Variants in UGT2A1 observed in about 807,000 individuals in gnomAD.
UGT2A1 encodes UDP-glucuronosyltransferase 2A1.
A neutral mutation model predicts 45.4 loss-of-function variants in UGT2A1; 61 were observed. The ratio of observed to expected loss-of-function variants is 1.34; its 90% CI spans 1.09 to 1.66. UGT2A1 has a LOEUF of 1.66. Ranked by LOEUF, UGT2A1 falls within the 40% of genes most tolerant of loss-of-function variation. The probability of loss-of-function intolerance (pLI) is 0.00; values close to 1 mark genes in which losing one functional copy is unlikely to be tolerated. For synonymous variants in UGT2A1, 229 were observed against 196.2 expected (o/e 1.17, Z -1.40); for missense variants, 649 against 574.3 (o/e 1.13, Z -1.33).
In UGT2A1 at chr4:69,604,977, C is replaced by T. The variant is rs148779677; in HGVS notation, c.848-5583G>A. On this transcript the variant is annotated intron_variant, in intron 3 of 6. Transcript: ENST00000286604. Reference sequence around the variant, plus strand: ...ACTCCCACACAATAATAATGAGAGACTTTGACACCCCACTGTCAACGTTAG... The same window carrying T: ...ACTCCCACACAATAATAATGAGAGATTTTGACACCCCACTGTCAACGTTAG... Among the ~76,000 whole-genome samples the T allele has an allele frequency of 8.1e-5, 11 of 135,852 alleles. 2 individuals are homozygous for T. The highest frequency in any genetic ancestry group is 1.4e-4 in the Non-Finnish European group (9 of 63,982). 89.1% of individuals were successfully genotyped at this position (135,852 alleles called of 152,430 possible).
chr4:69,596,126 C>G, intron 4 of UGT2A1: 2 of 1,287,312 alleles, frequency 1.6e-6, no homozygotes, highest in Non-Finnish European at 1.0e-6. Context: ...ACGTTACTTA[C>G]AACTGTTACT....
intron 3 of UGT2A1, among the ~76,000 whole-genome samples, chr4:69,605,544 C>T (rs1378738876): frequency 7.4e-6 from 1 of 135,920 alleles, no homozygotes; most frequent in Non-Finnish European, 1.6e-5. Flanking sequence ...CATTCAAGAC[C>T]TAGCAGAAGG....
intron 5 of UGT2A1, among the ~76,000 whole-genome samples, chr4:69,594,921 T>A (rs1718827848): frequency 6.6e-6 from 1 of 152,192 alleles, no homozygotes; most frequent in Non-Finnish European, 1.5e-5. Context: ...GAGGAGATGA[T>A]ATCTGAACTG....
chr4:69,623,231 G>A (rs1720853723), intron 3 of UGT2A1, among the ~76,000 whole-genome samples: 1 of 151,714 alleles, frequency 6.6e-6, no homozygotes, highest in South Asian at 2.1e-4. Context: ...TGTACTGCAT[G>A]CCAAGTGATA....
chr4:69,650,200 A>T (rs889793403), intron 1 of UGT2A1, among the ~76,000 whole-genome samples: 1 of 152,084 alleles, frequency 6.6e-6, no homozygotes, highest in African/African-American at 2.4e-5. Context: ...AATACCTCAG[A>T]TAGGGAGACT....
At chr4:69,596,531 A>C (rs1718942990) in intron 4 of UGT2A1, 1 of 1,233,238 alleles carries the variant, frequency 8.1e-7, no homozygotes, top group Non-Finnish European at 1.0e-6. Flanking sequence ...TCTAGTTTCT[A>C]TATTTTTTTT....
rs189787 is a variant in UGT2A1, at chr4:69,627,970, C to T, written c.847+7721G>A. The stretch of plus-strand genomic sequence containing the variant: ...TATTCACTTCCATTCCACAGATTGC[C>T]TTTTAAGTTTGTTGATTGTCTCTTT... On this transcript the variant is annotated intron_variant, in intron 3 of 6. Coordinates refer to ENST00000286604, the MANE Select transcript of UGT2A1 (RefSeq NM_001252275.3). Among the ~76,000 whole-genome samples, 112 of 151,880 alleles carry T rather than the reference C, an allele frequency of 7.4e-4. 1 individual carries two copies. The highest frequency in any genetic ancestry group is 2.4e-3 in the African/African-American group (101 of 41,482).
chr4:69,640,308 T>C lies in UGT2A1; in HGVS notation c.716-4486A>G, dbSNP rs201829314. 8.6e-4 allele frequency among the ~76,000 whole-genome samples: 130 copies of C among 151,966 alleles called. 2 individuals carry two copies. In the East Asian group the frequency reaches 0.02, roughly 24 times the overall value. On this transcript the variant is annotated intron_variant, in intron 2 of 6. Transcript: ENST00000286604. ...TCAAAGAAAAATGAGAGGTGAGACA[T>C]TAATTTGTTATATTACTTTGTGGAT...
At chr4:69,619,597 T>G (rs1720620436) in intron 3 of UGT2A1, among the ~76,000 whole-genome samples, 1 of 151,958 alleles carries the variant, frequency 6.6e-6, no homozygotes, top group South Asian at 2.1e-4. Flanking sequence ...TCAGGTGAAT[T>G]ATTCCATTTG....
Position 69,594,674 on chromosome 4 carries a change from A to G in UGT2A1, c.1107T>C (p.Phe369=), listed in dbSNP as rs140751856. Residue 369 remains phenylalanine (F), a synonymous_variant, in exon 6 of 7, where the codon TTT becomes TTC. Coordinates refer to ENST00000286604, the MANE Select transcript of UGT2A1 (RefSeq NM_001252275.3). Reference sequence around the variant, plus strand: ...TCCCATTAGTTCCACCATGAGTGATAAAAGCTTTGGTTTTGGGATGTCCTA... The same window carrying G: ...TCCCATTAGTTCCACCATGAGTGATGAAAGCTTTGGTTTTGGGATGTCCTA... ...DLLGHPKTKA[F]ITHGGTNGIY... 5.8e-5 allele frequency: 94 copies of G among 1,613,926 alleles called. No homozygotes were observed. The African/African-American group carries it at 1.2e-3, about 21-fold the overall frequency.
At chr4:69,615,334 AAGCACAGCCATCC>A (rs564793111) in intron 3 of UGT2A1, among the ~76,000 whole-genome samples, 169 of 152,182 alleles carry the variant, frequency 1.1e-3, no homozygotes, top group African/African-American at 4.0e-3. Context: ...AAGACCTCAG[AAGCACAGCCATCC>A]AAAGCAAAAA....
chr4:69,623,865 G>A (rs1720893032), intron 3 of UGT2A1, among the ~76,000 whole-genome samples: 1 of 151,448 alleles, frequency 6.6e-6, no homozygotes, highest in Non-Finnish European at 1.5e-5. Flanking sequence ...TTGAGCAAAA[G>A]CATTTCAGAA....
Position 69,589,437 on chromosome 4 carries a change from T to G in UGT2A1, c.1519A>C (p.Ile507Leu). The change falls in exon 7 of 7, where the codon ATA becomes CTA. Residue 507 changes from isoleucine to leucine, a missense_variant. Ile to Leu is a conservative substitution (Grantham distance 5). Transcript: ENST00000286604. ...TGACAGGAAAACAAACAACATTGTA[T>G]GACCAAAAATATAGCCGTTGTCACA... ...VCVTTAIFLVIQCCLFSCQKF... is the reference protein window; with the variant it reads ...VCVTTAIFLVLQCCLFSCQKF... The G allele has an allele frequency of 6.2e-7, 1 of 1,614,154 alleles. No individual in the cohort carries two copies. Among genetic ancestry groups the G allele is most frequent in the East Asian group, 2.2e-5 (1 of 44,884 alleles).
intron 3 of UGT2A1, among the ~76,000 whole-genome samples, chr4:69,604,094 C>A (rs1719460695): frequency 7.4e-6 from 1 of 135,664 alleles, no homozygotes. Flanking sequence ...TCGAGAAGAG[C>A]AACTCCAAGA....
chr4:69,637,821 T>G (rs186774672), intron 2 of UGT2A1, among the ~76,000 whole-genome samples: 1 of 152,064 alleles, frequency 6.6e-6, no homozygotes, highest in East Asian at 1.9e-4. Context: ...AGGAACTAGG[T>G]TGGCATTCAA....
chr4:69,646,809 G>A (rs1722279926), intron 2 of UGT2A1, 121 bp downstream of exon 2: 3 of 659,290 alleles, frequency 4.6e-6, no homozygotes, highest in African/African-American at 1.8e-5. Context: ...TCAAGTGATA[G>A]TAATATATAG....
chr4:69,591,592 A>G (rs535224041), intron 6 of UGT2A1, among the ~76,000 whole-genome samples: 52 of 152,252 alleles, frequency 3.4e-4, no homozygotes, highest in African/African-American at 1.3e-3. Context: ...GAGGTATACT[A>G]AGGCATATTT....
chr4:69,594,154 T>G (rs1227213838), intron 6 of UGT2A1, among the ~76,000 whole-genome samples: 1 of 151,880 alleles, frequency 6.6e-6, no homozygotes, highest in Non-Finnish European at 1.5e-5. Context: ...TTTTGTATTT[T>G]TAGTAGAGAC....
In UGT2A1 at chr4:69,635,733, G is replaced by GGAGAATCGCTTGAACCC. The variant is rs1721643127; in HGVS notation, c.804_805insGGGTTCAAGCGATTCTC (p.Arg269GlyfsTer37). 1 of 248,254 alleles carries GGAGAATCGCTTGAACCC rather than the reference G, an allele frequency of 4.0e-6. No individual in the cohort carries two copies. The highest frequency in any genetic ancestry group is 2.4e-5 in the African/African-American group (1 of 42,074). 15.4% of individuals were successfully genotyped at this position (248,254 alleles called of 1,614,324 possible). ...TCCCAACTACAATGGAGGCTGAGGC[G>GGAGAATCGCTTGAACCC]GGAGAATCGCTTGAACCCGGGAAGC... On this transcript the variant is annotated frameshift_variant, in exon 3 of 7. Coordinates refer to ENST00000286604, the MANE Select transcript of UGT2A1 (RefSeq NM_001252275.3). LOFTEE classifies it high-confidence loss of function.
Sources: gnomAD v4.1 joint callset for allele counts (sites outside exome capture counted in the v4.1 genomes callset) on GRCh38, gnomAD v4.1.1 for gene constraint, MANE v1.5 for transcripts, NCBI Gene and HGNC (gene_info 2026-07-23, HGNC 2026-07-21) for gene names.